The following C1orf87 variants were observed in gnomAD, a reference collection of about 807,000 sequenced individuals.
The protein encoded by C1orf87 is chromosome 1 open reading frame 87.
C1orf87 carries 58 observed loss-of-function variants against 60.5 expected under a neutral mutation model. That is an observed-to-expected ratio of 0.96 (90% CI 0.78 to 1.19). The LOEUF is 1.19. C1orf87 is among the 50% of genes most tolerant of loss of function. The probability of loss-of-function intolerance (pLI) is 0.00; values close to 1 mark genes in which losing one functional copy is unlikely to be tolerated. For missense variants in C1orf87, 673 were observed against 638.6 expected (o/e 1.05, Z -0.58); for synonymous variants, 236 against 227.4 (o/e 1.04, Z -0.34).
At chr1:59,997,444 G>C (rs1644971024) in intron 11 of C1orf87, among the ~76,000 whole-genome samples, 165 bp downstream of exon 11, 1 of 152,200 alleles carries the variant, frequency 6.6e-6, no homozygotes, top group Admixed American at 6.5e-5. Context: ...TGGGATTCCT[G>C]TCTGATTCGT....
At chr1:60,053,330 T>A (rs1482960411) in intron 3 of C1orf87, among the ~76,000 whole-genome samples, 1 of 152,220 alleles carries the variant, frequency 6.6e-6, no homozygotes, top group African/African-American at 2.4e-5. Context: ...ACTTCTCAGC[T>A]CTATGACTTT....
chr1:60,029,637 G>GTTTTTTTTTTTTTTTTTTTTTT (rs34501342), intron 7 of C1orf87, among the ~76,000 whole-genome samples: 1 of 95,648 alleles, frequency 1.0e-5, no homozygotes. Flanking sequence ...GTCCCCCCAA[G>GTTTTTTTTTTTTTTTTTTTTTT]TTTTTTTTTT....
chr1:60,012,931 C>T (rs971868268), intron 8 of C1orf87, among the ~76,000 whole-genome samples: 9 of 152,110 alleles, frequency 5.9e-5, no homozygotes, highest in Non-Finnish European at 1.2e-4. Context: ...GTTCCATGGA[C>T]ACAGCTGTAG....
rs759123800 is a variant in C1orf87 at position 60,025,457 on chromosome 1, CA to C, written c.1070del (p.Leu357ArgfsTer19). ...ICGKHGLYLT[L>X]SLLETLLNHQ... ...GGTTAAGCAATGTTTCCAGCAGGCT[CA>C]GGGTCAGATATAATCCATGCTTCCC... On this transcript the variant is annotated frameshift_variant, in exon 8 of 12. Coordinates refer to ENST00000371201, the MANE Select transcript of C1orf87 (RefSeq NM_152377.3). LOFTEE classifies it high-confidence loss of function. 5.0e-6 allele frequency: 8 copies of C among 1,613,164 alleles called. No individual in the cohort carries two copies. Among genetic ancestry groups the C allele is most frequent in the African/African-American group, 1.3e-5 (1 of 74,828 alleles).
At chr1:60,023,782 G>A in intron 8 of C1orf87, among the ~76,000 whole-genome samples, 1 of 152,068 alleles carries the variant, frequency 6.6e-6, no homozygotes, top group East Asian at 1.9e-4. Flanking sequence ...GTCTTCTTAT[G>A]TTCTTGTTGG....
In C1orf87 at chr1:60,013,995, C is replaced by G. The variant is rs141830765; in HGVS notation, c.1128-3539G>C. On this transcript the variant is annotated intron_variant, in intron 8 of 11. Coordinates refer to ENST00000371201, the MANE Select transcript of C1orf87 (RefSeq NM_152377.3). ...CAATGATCTTCCTCTCCGTACTAAC[C>G]TCTACAACTTTATTATCAGATATTA... 2.8e-4 allele frequency among the ~76,000 whole-genome samples: 42 copies of G among 152,240 alleles called. No individual in the cohort carries two copies. The East Asian group carries it at 2.9e-3, about 11-fold the overall frequency.
intron 7 of C1orf87, among the ~76,000 whole-genome samples, chr1:60,027,920 G>C (rs1271849281): frequency 6.6e-6 from 1 of 152,154 alleles, no homozygotes; most frequent in Non-Finnish European, 1.5e-5. Flanking sequence ...GTAATTATCT[G>C]TCATTTGTTG....
chr1:59,990,659 A>G lies in C1orf87; in HGVS notation c.*14T>C. The G allele has an allele frequency of 1.2e-6, 2 of 1,613,352 alleles. No individual in the cohort carries two copies. The highest frequency in any genetic ancestry group is 8.5e-7 in the Non-Finnish European group (1 of 1,179,544). ...GATAAGGGAAACATCTGTTCTCACA[A>G]TATGGGCTTGTTATCATAGCTCCTT... On this transcript the variant is annotated 3_prime_UTR_variant, in exon 12 of 12. Coordinates refer to ENST00000371201, the MANE Select transcript of C1orf87 (RefSeq NM_152377.3).
At chr1:60,064,036 G>A (rs1039207152) in intron 2 of C1orf87, among the ~76,000 whole-genome samples, 1 of 151,820 alleles carries the variant, frequency 6.6e-6, no homozygotes, top group Non-Finnish European at 1.5e-5. Context: ...ATAGAATATA[G>A]AGCAGGCAGA....
chr1:60,050,170 T>C (rs1356989117), intron 3 of C1orf87, among the ~76,000 whole-genome samples: 3 of 151,996 alleles, frequency 2.0e-5, no homozygotes, highest in Admixed American at 6.6e-5. Context: ...CCGAACACTA[T>C]TTTTTTGTTG....
chr1:60,042,811 A>G (rs1459227049), intron 3 of C1orf87, among the ~76,000 whole-genome samples: 1 of 152,210 alleles, frequency 6.6e-6, no homozygotes, highest in East Asian at 1.9e-4. Flanking sequence ...AGTGATAAAA[A>G]CAGACTCAGC....
At chr1:59,992,717 T>C (rs932761981) in intron 11 of C1orf87, among the ~76,000 whole-genome samples, 3 of 152,190 alleles carry the variant, frequency 2.0e-5, no homozygotes, top group African/African-American at 7.2e-5. Flanking sequence ...TACCAAATAT[T>C]ACTCATTTTT....
At chr1:60,027,963 C>G (rs550026986) in intron 7 of C1orf87, among the ~76,000 whole-genome samples, 18 of 152,082 alleles carry the variant, frequency 1.2e-4, no homozygotes, top group Non-Finnish European at 2.5e-4. Flanking sequence ...TTACTCAGGG[C>G]TGGGATTGGG....
intron 11 of C1orf87, among the ~76,000 whole-genome samples, chr1:59,994,301 C>T (rs1159449045): frequency 3.3e-5 from 5 of 151,572 alleles, no homozygotes; most frequent in African/African-American, 1.2e-4. Flanking sequence ...ATCGTGTGCT[C>T]TTTCTAGTAT....
chr1:60,062,999 A>G (rs1427484025), intron 2 of C1orf87, among the ~76,000 whole-genome samples: 1 of 152,130 alleles, frequency 6.6e-6, no homozygotes, highest in African/African-American at 2.4e-5. Flanking sequence ...CACAAAAACA[A>G]ACAAAAACAA....
intron 2 of C1orf87, among the ~76,000 whole-genome samples, chr1:60,059,758 C>T (rs1645482057): frequency 6.6e-6 from 1 of 152,184 alleles, no homozygotes; most frequent in South Asian, 2.1e-4. Flanking sequence ...GTCTGCCAGC[C>T]TTGGCAGCGA....
chr1:60,035,565 C>T (rs753421160), intron 6 of C1orf87, among the ~76,000 whole-genome samples: 1 of 152,174 alleles, frequency 6.6e-6, no homozygotes, highest in Non-Finnish European at 1.5e-5. Context: ...TAACAAATAG[C>T]CTGGCTTTAT....
chr1:60,000,166 T>C (rs1644992651), intron 10 of C1orf87, among the ~76,000 whole-genome samples: 1 of 152,150 alleles, frequency 6.6e-6, no homozygotes, highest in Non-Finnish European at 1.5e-5. Flanking sequence ...TGAATGATTT[T>C]CTCAGGGACA....
At chr1:59,994,716 G>A (rs1250483800) in intron 11 of C1orf87, among the ~76,000 whole-genome samples, 1 of 152,014 alleles carries the variant, frequency 6.6e-6, no homozygotes, top group Non-Finnish European at 1.5e-5. Flanking sequence ...ACCCCCATTA[G>A]AGAATAAGCA....
Sources: allele counts gnomAD v4.1 joint callset (sites outside exome capture counted in the v4.1 genomes callset), GRCh38; gene constraint gnomAD v4.1.1; transcripts MANE v1.5; gene names NCBI Gene and HGNC (gene_info 2026-07-23, HGNC 2026-07-21).